The following SCN7A variants were observed in gnomAD, a reference collection of about 807,000 sequenced individuals.
SCN7A encodes the protein sodium voltage-gated channel alpha subunit 7.
Under a neutral mutation model 155.2 loss-of-function variants are expected in SCN7A, and 138 were observed. That is an observed-to-expected ratio of 0.89 (90% CI 0.77 to 1.02). The LOEUF is 1.02. SCN7A is among the 50% of genes least tolerant of loss of function. The probability of loss-of-function intolerance (pLI) is 0.00; values close to 1 mark genes in which losing one functional copy is unlikely to be tolerated. For synonymous variants in SCN7A, 693 were observed against 649.0 expected, an observed-to-expected ratio of 1.07 and a Z score of -1.03; for missense variants, 2,058 against 1,986.6, an observed-to-expected ratio of 1.04 and a Z score of -0.68.
intron 19 of SCN7A, among the ~76,000 whole-genome samples, chr2:166,422,936 G>A (rs1353343656): frequency 6.6e-6 from 1 of 152,074 alleles, no homozygotes; most frequent in African/African-American, 2.4e-5. Context: ...TGTGATATAT[G>A]ATTAAGAGTT....
chr2:166,439,856 T>C (rs1250099613), intron 15 of SCN7A, among the ~76,000 whole-genome samples: 3 of 152,198 alleles, frequency 2.0e-5, no homozygotes, highest in Admixed American at 6.5e-5. Context: ...AATGTGATAA[T>C]TGTATGACAA....
At chr2:166,481,364 A>G (rs1407445196) in intron 2 of SCN7A, among the ~76,000 whole-genome samples, 1 of 152,192 alleles carries the variant, frequency 6.6e-6, no homozygotes, top group Admixed American at 6.5e-5. Context: ...AATAAATATA[A>G]ATTTTTAACT....
Position 166,414,919 on chromosome 2 carries a change from A to T in SCN7A, c.3414+1788T>A, listed in dbSNP as rs1480422531. ...ATATTATTATATAGGATAATATATA[A>T]TATATATTATTATATAGGATAATAT... On this transcript the variant is annotated intron_variant, in intron 21 of 25. Transcript: ENST00000643258. Among the ~76,000 whole-genome samples, 79 of 93,506 alleles carry T rather than the reference A, an allele frequency of 8.4e-4. 1 individual carries two copies. In the East Asian group the frequency reaches 0.017, roughly 20 times the overall value. 61.3% of individuals were successfully genotyped at this position (93,506 alleles called of 152,430 possible).
chr2:166,406,245 C>G lies in SCN7A; in HGVS notation c.4384G>C (p.Val1462Leu), dbSNP rs1403416254. Residue 1462 changes from valine (V) to leucine (L), a missense_variant, in exon 26 of 26, where the codon GTT (valine) becomes CTT (leucine). Transcript: ENST00000643258. ...GAGGGGTTCCCACAATCTCCTCTAA[C>G]TTGAGTCCCAGGGTTAATTTTATCA... is the stretch of plus-strand genomic sequence containing the variant. Reference protein sequence around the residue: ...DPDKINPGTQVRGDCGNPSVG... With the variant: ...DPDKINPGTQLRGDCGNPSVG... 2 of 1,613,060 alleles carry G rather than the reference C, an allele frequency of 1.2e-6. No individual in the cohort carries two copies. Among genetic ancestry groups the G allele is most frequent in the African/African-American group, 1.3e-5 (1 of 74,800 alleles).
intron 11 of SCN7A, among the ~76,000 whole-genome samples, chr2:166,450,687 G>T (rs577003801): frequency 1.3e-5 from 2 of 151,980 alleles, no homozygotes; most frequent in Non-Finnish European, 1.5e-5. Context: ...CCAGCTACTC[G>T]GGAGGCTGAG....
At position 166,416,742 on chromosome 2, in the gene SCN7A, T is replaced by C; in HGVS notation, c.3379A>G (p.Asn1127Asp). Reference protein sequence around the residue: ...LWENAKMNFDNVGNGFLSLLQ... With the variant: ...LWENAKMNFDDVGNGFLSLLQ... ...AGAGAAAGGAAACCATTTCCAACAT[T>C]ATCAAAGTTCATTTTTGCATTTTCC... Residue 1127 changes from asparagine (N) to aspartate (D), a missense_variant, in exon 21 of 26, where the codon AAT (asparagine) becomes GAT (aspartate). Physicochemically the swap from Asn to Asp is conservative, Grantham distance 23. Transcript: ENST00000643258. 1.2e-6 allele frequency: 2 copies of C among 1,611,094 alleles called. No individual in the cohort carries two copies. The highest frequency in any genetic ancestry group is 1.7e-6 in the Non-Finnish European group (2 of 1,178,346).
intron 21 of SCN7A, among the ~76,000 whole-genome samples, chr2:166,413,981 GTA>G (rs556351441): frequency 0.11 from 5,826 of 53,576 alleles, 645 homozygotes; most frequent in Middle Eastern, 0.2. Flanking sequence ...ATGTGTATGT[GTA>G]TATATATATA....
Position 166,412,687 on chromosome 2 carries a change from A to G in SCN7A, c.3469-20T>C. The G allele has an allele frequency of 2.0e-6, 3 of 1,474,704 alleles. No individual in the cohort carries two copies. Among genetic ancestry groups the G allele is most frequent in the Non-Finnish European group, 2.7e-6 (3 of 1,119,252 alleles). 91.4% of individuals were successfully genotyped at this position (1,474,704 alleles called of 1,614,324 possible). ...ATTAACCTAGAAGTTTAAAATAAGC[A>G]AATTATTGATATTGGCTTTTTAAAA... On this transcript the variant is annotated intron_variant, in intron 22 of 25. Transcript: ENST00000643258.
chr2:166,451,450 A>G (rs560340851), intron 11 of SCN7A, among the ~76,000 whole-genome samples: 1 of 152,322 alleles, frequency 6.6e-6, no homozygotes, highest in East Asian at 1.9e-4. Context: ...TGAACTTTTG[A>G]CAACCCAATA....
chr2:166,472,726 C>T (rs1373238713), intron 5 of SCN7A, among the ~76,000 whole-genome samples: 2 of 151,780 alleles, frequency 1.3e-5, no homozygotes, highest in African/African-American at 2.4e-5. Context: ...TTTGTCATGA[C>T]ATTTGACTTT....
At chr2:166,465,427 T>C (rs749950450) in intron 9 of SCN7A, 35 bp downstream of exon 9, 2 of 1,406,500 alleles carry the variant, frequency 1.4e-6, no homozygotes, top group African/African-American at 1.4e-5. Flanking sequence ...TGACAGGTGA[T>C]AATGATTTAA....
rs1701759766 is a variant in SCN7A at position 166,432,715 on chromosome 2, C to T, written c.2195G>A (p.Ser732Asn). ...YLFLALVSSF[S>N]SCKDVTAEEN... The stretch of plus-strand genomic sequence containing the variant: ...TTCAGCTGTTACATCCTTGCATGAA[C>T]TAAATGAGCTCACCAATGCCAGAAA... Residue 732 changes from serine to asparagine, a missense_variant, in exon 16 of 26, where the codon AGT becomes AAT. Ser to Asn is a conservative substitution (Grantham distance 46). Coordinates refer to ENST00000643258, the MANE Select transcript of SCN7A (RefSeq NM_002976.4). The T allele has an allele frequency of 6.4e-7, 1 of 1,568,744 alleles. No individual in the cohort carries two copies. The highest frequency in any genetic ancestry group is 1.4e-5 in the African/African-American group (1 of 73,000).
At chr2:166,453,092 TATA>T (rs1278162826) in intron 11 of SCN7A, among the ~76,000 whole-genome samples, 5 of 152,176 alleles carry the variant, frequency 3.3e-5, no homozygotes, top group East Asian at 1.9e-4. Flanking sequence ...CATTTTATAG[TATA>T]ATAACATAAA....
intron 10 of SCN7A, among the ~76,000 whole-genome samples, chr2:166,458,277 C>G (rs1041752859): frequency 6.7e-6 from 1 of 150,036 alleles, no homozygotes; most frequent in African/African-American, 2.5e-5. Flanking sequence ...TGCTGTGAGC[C>G]ATGATCACAC....
intron 15 of SCN7A, chr2:166,436,198 T>C (rs1701834739): frequency 5.0e-6 from 1 of 201,102 alleles, no homozygotes; most frequent in Non-Finnish European, 1.1e-5. Flanking sequence ...AAATCTCATC[T>C]TGAATTGTAG....
intron 23 of SCN7A, among the ~76,000 whole-genome samples, chr2:166,410,943 T>C (rs1206548811): frequency 6.6e-6 from 1 of 152,036 alleles, no homozygotes; most frequent in African/African-American, 2.4e-5. Context: ...GTTACTGCTC[T>C]AAATCAGGAC....
intron 16 of SCN7A, among the ~76,000 whole-genome samples, chr2:166,429,711 A>G (rs1270888553): frequency 2.0e-5 from 3 of 152,022 alleles, no homozygotes; most frequent in African/African-American, 7.2e-5. Flanking sequence ...CCTAGGTTTC[A>G]TTGTAAAATT....
intron 2 of SCN7A, among the ~76,000 whole-genome samples, chr2:166,480,593 A>G (rs1702903791): frequency 6.6e-6 from 1 of 152,180 alleles, no homozygotes; most frequent in East Asian, 1.9e-4. Context: ...TCCTTACTAT[A>G]TTATGATAAA....
chr2:166,406,119 T>C lies in SCN7A; in HGVS notation c.4510A>G (p.Lys1504Glu), dbSNP rs1701066184. 1.2e-6 allele frequency: 2 copies of C among 1,611,550 alleles called. No individual in the cohort carries two copies. Among genetic ancestry groups the C allele is most frequent in the Non-Finnish European group, 1.7e-6 (2 of 1,178,734 alleles). ...VVMEFLNIAS[K>E]KKNKTLSEDD... is the part of the protein sequence containing the mutation. The stretch of plus-strand genomic sequence containing the variant: ...TCACTCAAGGTCTTGTTTTTCTTCT[T>C]AGAAGCAATATTTAAAAACTCCATG... Residue 1504 changes from lysine (K) to glutamate (E), a missense_variant, in exon 26 of 26, where the codon AAG (lysine) becomes GAG (glutamate). Lys to Glu is a moderately conservative substitution (Grantham distance 56, BLOSUM62 1). Coordinates refer to ENST00000643258, the MANE Select transcript of SCN7A (RefSeq NM_002976.4).
Sources: gnomAD v4.1 joint callset for allele counts (sites outside exome capture counted in the v4.1 genomes callset) on GRCh38, gnomAD v4.1.1 for gene constraint, MANE v1.5 for transcripts, NCBI Gene and HGNC (gene_info 2026-07-23, HGNC 2026-07-21) for gene names.